PHLDB3: variants seen among roughly 807,000 people sequenced by gnomAD.
The protein encoded by PHLDB3 is pleckstrin homology-like domain family B member 3.
In PHLDB3, 86 loss-of-function variants were observed where a neutral mutation model predicts 85.7. The ratio of observed to expected loss-of-function variants is 1.00; its 90% CI spans 0.84 to 1.20. PHLDB3 has a LOEUF of 1.20. Ranked by LOEUF, PHLDB3 falls within the 50% of genes most tolerant of loss-of-function variation. The probability of loss-of-function intolerance (pLI) is 0.00; values close to 1 mark genes in which losing one functional copy is unlikely to be tolerated. For missense variants in PHLDB3, 995 were observed against 873.0 expected (o/e 1.14, Z -1.76); for synonymous variants, 376 against 349.8 (o/e 1.07, Z -0.83).
chr19:43,494,238 G>A (rs1480672342), intron 9 of PHLDB3, among the ~76,000 whole-genome samples: 1 of 152,064 alleles, frequency 6.6e-6, no homozygotes, highest in African/African-American at 2.4e-5. Context: ...TCGAACTCCT[G>A]ACCTCAGGTC....
chr19:43,499,942 T>C (rs1399172539), intron 4 of PHLDB3, among the ~76,000 whole-genome samples: 2 of 152,098 alleles, frequency 1.3e-5, no homozygotes, highest in African/African-American at 4.8e-5. Flanking sequence ...GGTTTCATCA[T>C]GTTGGCCAGG....
chr19:43,497,649 T>G (rs1599956159), intron 5 of PHLDB3, 99 bp downstream of exon 5: 3 of 1,271,222 alleles, frequency 2.4e-6, no homozygotes, highest in Non-Finnish European at 3.2e-6. Flanking sequence ...GAGGCGGAGG[T>G]TGCAGTGAGC....
chr19:43,479,342 C>A, intron 14 of PHLDB3, 35 bp downstream of exon 14: 1 of 1,542,782 alleles, frequency 6.5e-7, no homozygotes, highest in Non-Finnish European at 8.8e-7. Context: ...GGAATTCCAG[C>A]GTCCTGGGGC....
At position 43,482,619 on chromosome 19, in the gene PHLDB3, A is replaced by C. The variant is rs146154288; in HGVS notation, c.1486-3026T>G. On this transcript the variant is annotated intron_variant, in intron 13 of 15. Coordinates refer to ENST00000292140, the MANE Select transcript of PHLDB3 (RefSeq NM_198850.4). Reference sequence around the variant, plus strand: ...AGTGGTGTGATCTTGGCTCATTGCAACCTCTGCTTCCCAGTTCAAGCGATT... The same window carrying C: ...AGTGGTGTGATCTTGGCTCATTGCACCCTCTGCTTCCCAGTTCAAGCGATT... Among the ~76,000 whole-genome samples the C allele has an allele frequency of 4.3e-3, 661 of 151,978 alleles. 27 individuals carry two copies. In the East Asian group the frequency reaches 0.11, roughly 24 times the overall value.
In PHLDB3 at chr19:43,480,601, AAAAG is replaced by A. The variant is rs552451373; in HGVS notation, c.1486-1012_1486-1009del. 3.1e-3 allele frequency among the ~76,000 whole-genome samples: 473 copies of A among 152,300 alleles called. 4 individuals carry two copies. The highest frequency in any genetic ancestry group is 0.01 in the African/African-American group (432 of 41,578). ...GAGTGAGACCCTGTCTCAAAAATAA[AAAAG>A]AAAGAGAGAGCTTGTTTACATTATT... On this transcript the variant is annotated intron_variant, in intron 13 of 15. Coordinates refer to ENST00000292140, the MANE Select transcript of PHLDB3 (RefSeq NM_198850.4).
Position 43,486,864 on chromosome 19 carries a change from A to G in PHLDB3, c.1256T>C (p.Leu419Pro), listed in dbSNP as rs1599941683. The G allele has an allele frequency of 6.4e-7, 1 of 1,556,634 alleles. No homozygotes were observed. Among genetic ancestry groups the G allele is most frequent in the East Asian group, 2.3e-5 (1 of 44,318 alleles). Reference protein sequence around the residue: ...RPLSFHCTESLEASALPPAVG... With the variant: ...RPLSFHCTESPEASALPPAVG... ...TGCTGGCGGGAGAGCTGAGGCCTCC[A>G]GGGATTCTAGGGTAGAGGGGACCAG... Residue 419 changes from leucine to proline, a missense_variant, in exon 11 of 16, where the codon CTG becomes CCG. Physicochemically the swap from Leu to Pro is moderately conservative, Grantham distance 98 (BLOSUM62 -3). Coordinates refer to ENST00000292140, the MANE Select transcript of PHLDB3 (RefSeq NM_198850.4).
intron 9 of PHLDB3, among the ~76,000 whole-genome samples, chr19:43,492,375 C>T (rs550059821): frequency 2.0e-5 from 3 of 152,190 alleles, no homozygotes; most frequent in African/African-American, 4.8e-5. Context: ...CATGAGCTGA[C>T]GCACACTGTT....
At position 43,502,200 on chromosome 19, in the gene PHLDB3, C is replaced by CCG; in HGVS notation, c.295_296dup (p.Arg100GlyfsTer11). ...CCTCCAGCTGCTGTCCTTGCAGGCG[C>CCG]CGCGCCGCCCCTCGCACCCCTTCCC... On this transcript the variant is annotated frameshift_variant, in exon 3 of 16. Coordinates refer to ENST00000292140, the MANE Select transcript of PHLDB3 (RefSeq NM_198850.4). LOFTEE classifies it high-confidence loss of function. 6.4e-7 allele frequency: 1 copy of CCG among 1,569,474 alleles called. No individual in the cohort carries two copies. The highest frequency in any genetic ancestry group is 1.2e-5 in the South Asian group (1 of 85,428).
At position 43,475,444 on chromosome 19, in the gene PHLDB3, A is replaced by C; in HGVS notation, c.1889T>G (p.Ile630Ser). ...PEAMRIWMDVIVTAADENHAP is the reference protein window; with the variant it reads ...PEAMRIWMDVSVTAADENHAP ...GTGGTTTTCGTCAGCGGCGGTCACGATGACGTCCATCCAAATGCGCATGGC... is the reference window on the plus strand; with the variant it reads ...GTGGTTTTCGTCAGCGGCGGTCACGCTGACGTCCATCCAAATGCGCATGGC... The change falls in exon 16 of 16, where the codon ATC (isoleucine) becomes AGC (serine). Residue 630 changes from isoleucine to serine, a missense_variant. Coordinates refer to ENST00000292140, the MANE Select transcript of PHLDB3 (RefSeq NM_198850.4). 2 of 1,613,918 alleles carry C rather than the reference A, an allele frequency of 1.2e-6. No individual in the cohort carries two copies. Among genetic ancestry groups the C allele is most frequent in the Non-Finnish European group, 8.5e-7 (1 of 1,179,834 alleles).
chr19:43,497,434 G>A (rs1971486740), intron 5 of PHLDB3, among the ~76,000 whole-genome samples, 155 bp from the exon 6 acceptor site: 1 of 152,186 alleles, frequency 6.6e-6, no homozygotes, highest in African/African-American at 2.4e-5. Flanking sequence ...CAGAGGGCCA[G>A]CTGGGCACAG....
Position 43,500,919 on chromosome 19 carries a change from C to T in PHLDB3, c.534+815G>A, listed in dbSNP as rs865985852. Among the ~76,000 whole-genome samples, 26 of 115,504 alleles carry T rather than the reference C, an allele frequency of 2.3e-4. 3 individuals carry two copies. Among genetic ancestry groups the T allele is most frequent in the Admixed American group, 1.2e-3 (14 of 11,892 alleles). The allele number at this position is 115,504 out of a possible 152,430, so 75.8% of individuals were successfully genotyped here. A position where few individuals can be genotyped will look rare whatever the true frequency, so the allele number is the denominator to read the frequency against. On this transcript the variant is annotated intron_variant, in intron 4 of 15. Coordinates refer to ENST00000292140, the MANE Select transcript of PHLDB3 (RefSeq NM_198850.4). ...TGCCCCGCCCCCCGTACCCCCCCCCCACCCCGCAAGTACTGGGATTACAGG... is the reference window on the plus strand; with the variant it reads ...TGCCCCGCCCCCCGTACCCCCCCCCTACCCCGCAAGTACTGGGATTACAGG...
chr19:43,491,767 A>G (rs1971318608), intron 9 of PHLDB3, among the ~76,000 whole-genome samples: 1 of 150,880 alleles, frequency 6.6e-6, no homozygotes, highest in African/African-American at 2.4e-5. Flanking sequence ...CCCAGGTTCA[A>G]GCAATTCTCC....
intron 5 of PHLDB3, among the ~76,000 whole-genome samples, chr19:43,497,537 C>T (rs1971489643): frequency 6.6e-6 from 1 of 152,030 alleles, no homozygotes. Flanking sequence ...AATAGTGAAA[C>T]CCCGTCTCTA....
intron 6 of PHLDB3, 134 bp from the exon 7 acceptor site, chr19:43,495,754 G>T (rs1971442405): frequency 7.6e-7 from 1 of 1,317,384 alleles, no homozygotes; most frequent in Non-Finnish European, 1.0e-6. Flanking sequence ...GTCCAGGGCT[G>T]GGGACCCAGC....
intron 15 of PHLDB3, among the ~76,000 whole-genome samples, chr19:43,476,619 T>A (rs1238117006): frequency 6.6e-6 from 1 of 151,340 alleles, no homozygotes; most frequent in Non-Finnish European, 1.5e-5. Context: ...GCTATGATTG[T>A]ACCACTGCAC....
In PHLDB3 at chr19:43,486,305, G is replaced by A; in HGVS notation, c.1446C>T (p.Gly482=). ...LLKAREGTRR[G]TEGSSGPAVP... ...CAGCAGGGCCTGAGGAACCTTCCGT[G>A]CCCCTTCTTGTTCCTTCCTGTGGAT... The change falls in exon 13 of 16, where the codon GGC becomes GGT. Residue 482 remains glycine, a synonymous_variant. Transcript: ENST00000292140. 1 of 1,608,620 alleles carries A rather than the reference G, an allele frequency of 6.2e-7. No homozygotes were observed. Among genetic ancestry groups the A allele is most frequent in the South Asian group, 1.1e-5 (1 of 89,744 alleles).
At chr19:43,480,253 C>T (rs371169408) in intron 13 of PHLDB3, among the ~76,000 whole-genome samples, 55 of 143,178 alleles carry the variant, frequency 3.8e-4, no homozygotes, top group African/African-American at 1.4e-3. Context: ...ACAGAAGACC[C>T]CTTCTCTATT....
chr19:43,486,701 G>A lies in PHLDB3; in HGVS notation c.1341-5C>T. 1.2e-6 allele frequency: 2 copies of A among 1,613,938 alleles called. No homozygotes were observed. Among genetic ancestry groups the A allele is most frequent in the Non-Finnish European group, 8.5e-7 (1 of 1,179,830 alleles). On this transcript the variant is annotated splice_polypyrimidine_tract_variant and splice_region_variant and intron_variant, in intron 11 of 15. Coordinates refer to ENST00000292140, the MANE Select transcript of PHLDB3 (RefSeq NM_198850.4). ...TCTGGATGGATGGCCCCACAGCTAGGAGGAGGGAACACAGACGGGGTGGGT... is the reference window on the plus strand; with the variant it reads ...TCTGGATGGATGGCCCCACAGCTAGAAGGAGGGAACACAGACGGGGTGGGT...
rs181314259 is a variant in PHLDB3 at position 43,485,476 on chromosome 19, G to A, written c.1485+790C>T. 3.6e-3 allele frequency among the ~76,000 whole-genome samples: 551 copies of A among 151,728 alleles called. 5 individuals are homozygous for A. Among genetic ancestry groups the A allele is most frequent in the African/African-American group, 0.012 (496 of 41,372 alleles). On this transcript the variant is annotated intron_variant, in intron 13 of 15. Coordinates refer to ENST00000292140, the MANE Select transcript of PHLDB3 (RefSeq NM_198850.4). ...TCCACCCACCTCAGCCTCCCAAAGT[G>A]CTGGGATTACAGGCGTGAGCCACTG... is the stretch of plus-strand genomic sequence containing the variant.
Sources: allele counts gnomAD v4.1 joint callset (sites outside exome capture counted in the v4.1 genomes callset), GRCh38; gene constraint gnomAD v4.1.1; transcripts MANE v1.5; gene names NCBI Gene and HGNC (gene_info 2026-07-23, HGNC 2026-07-21).